The following NBN variants were observed in gnomAD, a reference collection of about 807,000 sequenced individuals.
The protein encoded by NBN is Nijmegen breakage syndrome 1 (nibrin).
Under a neutral mutation model 90.8 loss-of-function variants are expected in NBN, and 88 were observed. The ratio of observed to expected loss-of-function variants is 0.97; its 90% confidence interval spans 0.82 to 1.16. The LOEUF is 1.16. NBN is among the 50% of genes most tolerant of loss of function. NBN has a pLI of 0.00. For missense variants in NBN, 894 were observed against 869.6 expected, an observed-to-expected ratio of 1.03 and a Z score of -0.35; for synonymous variants, 328 against 295.1, an observed-to-expected ratio of 1.11 and a Z score of -1.14.
chr8:89,963,585 G>GTTTTAAAAA, intron 8 of NBN, among the ~76,000 whole-genome samples: 1 of 152,054 alleles, frequency 6.6e-6, no homozygotes, highest in Non-Finnish European at 1.5e-5. Flanking sequence ...AAAAACTATG[G>GTTTTAAAAA]AAATGTGTTT....
intron 13 of NBN, among the ~76,000 whole-genome samples, chr8:89,944,021 T>A (rs1043692804): frequency 6.6e-6 from 1 of 152,190 alleles, no homozygotes; most frequent in Non-Finnish European, 1.5e-5. Context: ...AAGAGAATTT[T>A]AAATTTATTT....
intron 7 of NBN, among the ~76,000 whole-genome samples, chr8:89,967,478 T>C (rs544495494): frequency 2.6e-4 from 39 of 152,292 alleles, no homozygotes; most frequent in African/African-American, 9.1e-4. Context: ...AACTAAATAA[T>C]TGGTGAACAA....
intron 10 of NBN, among the ~76,000 whole-genome samples, chr8:89,955,053 C>T (rs1002490702): frequency 3.3e-5 from 5 of 151,760 alleles, no homozygotes; most frequent in African/African-American, 9.7e-5. Flanking sequence ...AAGAGAATTG[C>T]GGCAAGTAAA....
intron 13 of NBN, among the ~76,000 whole-genome samples, chr8:89,944,290 T>C (rs1043743995): frequency 1.3e-5 from 2 of 152,194 alleles, no homozygotes; most frequent in South Asian, 2.1e-4. Context: ...CTGGGTAATT[T>C]AGAAGTAATC....
chr8:89,980,601 G>A (rs1812010732), intron 4 of NBN, 133 bp downstream of exon 4: 1 of 698,230 alleles, frequency 1.4e-6, no homozygotes, highest in Non-Finnish European at 2.4e-6. Flanking sequence ...ACAAAGGGAT[G>A]GAGTGGGTAT....
chr8:89,958,966 A>C, intron 8 of NBN, 112 bp from the exon 9 acceptor site: 1 of 1,381,626 alleles, frequency 7.2e-7, no homozygotes, highest in Non-Finnish European at 1.0e-6. Flanking sequence ...ACTAGGGAAT[A>C]CTGCACATGG....
At chr8:89,955,206 G>C in intron 10 of NBN, 77 bp downstream of exon 10, 1 of 1,394,034 alleles carries the variant, frequency 7.2e-7, no homozygotes, top group Non-Finnish European at 1.0e-6. Context: ...ACAGACTAAA[G>C]ACAATACCAT....
chr8:89,983,906 T>A (rs1006451547), intron 1 of NBN, among the ~76,000 whole-genome samples: 2 of 152,102 alleles, frequency 1.3e-5, no homozygotes, highest in Admixed American at 1.3e-4. Flanking sequence ...TCTACATAGA[T>A]CTTTGCCAAT....
At chr8:89,938,028 T>TC (rs1269602358) in intron 14 of NBN, among the ~76,000 whole-genome samples, 1 of 152,192 alleles carries the variant, frequency 6.6e-6, no homozygotes, top group East Asian at 1.9e-4. Context: ...AACATGTTCT[T>TC]CCCCTCTTTA....
At position 89,980,855 on chromosome 8, in the gene NBN, A is replaced by G. The variant is rs1563579387; in HGVS notation, c.359T>C (p.Leu120Ser). The change falls in exon 4 of 16, where the codon TTA becomes TCA. Residue 120 changes from leucine to serine, a missense_variant. Transcript: ENST00000265433. Reference protein sequence around the residue: ...YEPLVACSSCLDVSGKTALNQ... With the variant: ...YEPLVACSSCSDVSGKTALNQ... Reference sequence around the variant, plus strand: ...TAAAGCAGTTTTCCCAGAGACATCTAAACAAGAAGAGCATGCAACCAAAGG... The same window carrying G: ...TAAAGCAGTTTTCCCAGAGACATCTGAACAAGAAGAGCATGCAACCAAAGG... The G allele has an allele frequency of 2.5e-6, 4 of 1,612,498 alleles. No individual in the cohort carries two copies. Among genetic ancestry groups the G allele is most frequent in the Non-Finnish European group, 3.4e-6 (4 of 1,178,862 alleles).
Position 89,955,425 on chromosome 8 carries a change from T to A in NBN, c.1255A>T (p.Asn419Tyr), listed in dbSNP as rs730881849. The change falls in exon 10 of 16, where the codon AAT (asparagine) becomes TAT (tyrosine). Residue 419 changes from asparagine to tyrosine, a missense_variant. Physicochemically the swap from Asn to Tyr is moderately radical, Grantham distance 143. Coordinates refer to ENST00000265433, the MANE Select transcript of NBN (RefSeq NM_002485.5). ...TSSNNNSMVS[N>Y]TLAKMRIPNY... ...GGGATTCTCATCTTAGCCAAAGTATTTGATACCATACTATTATTATTAGAG... is the reference window on the plus strand; with the variant it reads ...GGGATTCTCATCTTAGCCAAAGTATATGATACCATACTATTATTATTAGAG... The A allele has an allele frequency of 6.2e-7, 1 of 1,613,870 alleles. No homozygotes were observed. The highest frequency in any genetic ancestry group is 8.5e-7 in the Non-Finnish European group (1 of 1,179,826).
In NBN at chr8:89,955,562, AAAAAG is replaced by A; in HGVS notation, c.1125-12_1125-8del. 10 of 1,611,860 alleles carry A rather than the reference AAAAAG, an allele frequency of 6.2e-6. No homozygotes were observed. The highest frequency in any genetic ancestry group is 8.5e-6 in the Non-Finnish European group (10 of 1,179,262). On this transcript the variant is annotated splice_region_variant and splice_polypyrimidine_tract_variant and intron_variant, in intron 9 of 15. Transcript: ENST00000265433. Reference sequence around the variant, plus strand: ...TGGCCTTTCACTCAAATCCCTGTAGAAAAAGAAAAGAATGCAAGGTAAATAATCAA... The same window carrying A: ...TGGCCTTTCACTCAAATCCCTGTAGAAAAAGAATGCAAGGTAAATAATCAA...
At chr8:89,938,607 G>C (rs1809796277) in intron 14 of NBN, among the ~76,000 whole-genome samples, 1 of 152,150 alleles carries the variant, frequency 6.6e-6, no homozygotes, top group Admixed American at 6.5e-5. Context: ...GGGGAACTCA[G>C]ATGGAATAGC....
At chr8:89,969,613 GTCACAATTAATTT>G (rs1338465847) in intron 7 of NBN, among the ~76,000 whole-genome samples, 1 of 152,112 alleles carries the variant, frequency 6.6e-6, no homozygotes, top group Non-Finnish European at 1.5e-5. Context: ...AATATACCAA[GTCACAATTAATTT>G]TCAAGTATAC....
chr8:89,973,600 A>C (rs1005934169), intron 5 of NBN, among the ~76,000 whole-genome samples: 1 of 152,236 alleles, frequency 6.6e-6, no homozygotes, highest in Non-Finnish European at 1.5e-5. Flanking sequence ...AAATACCTAC[A>C]TAAGCCTTTT....
chr8:89,955,742 G>A (rs1563533216), intron 9 of NBN, among the ~76,000 whole-genome samples, 187 bp from the exon 10 acceptor site: 1 of 152,062 alleles, frequency 6.6e-6, no homozygotes, highest in East Asian at 1.9e-4. Flanking sequence ...TCCTGTGGAA[G>A]GATGATACCT....
At position 89,961,830 on chromosome 8, in the gene NBN, T is replaced by C. The variant is rs141397017; in HGVS notation, c.994+2580A>G. Among the ~76,000 whole-genome samples, 151 of 152,246 alleles carry C rather than the reference T, an allele frequency of 9.9e-4. 1 individual carries two copies. Among genetic ancestry groups the C allele is most frequent in the African/African-American group, 3.2e-3 (132 of 41,530 alleles). On this transcript the variant is annotated intron_variant, in intron 8 of 15. Coordinates refer to ENST00000265433, the MANE Select transcript of NBN (RefSeq NM_002485.5). ...AATAGTGGCATAGTGAAATATTAAC[T>C]GTAGAGATGAGTCTGGAGTAAGGAC...
intron 7 of NBN, 133 bp downstream of exon 7, chr8:89,970,231 A>C: frequency 1.4e-6 from 1 of 715,946 alleles, no homozygotes; most frequent in Non-Finnish European, 2.3e-6. Flanking sequence ...CCTGGGCAAC[A>C]AGAGCAAGAC....
intron 14 of NBN, among the ~76,000 whole-genome samples, chr8:89,942,180 T>C (rs756381486): frequency 3.9e-5 from 6 of 152,268 alleles, no homozygotes; most frequent in Non-Finnish European, 5.9e-5. Context: ...GGAAAGAAAC[T>C]TGCCCATCTT....
Sources: allele counts gnomAD v4.1 joint callset (sites outside exome capture counted in the v4.1 genomes callset), GRCh38; gene constraint gnomAD v4.1.1; transcripts MANE v1.5; gene names NCBI Gene and HGNC (gene_info 2026-07-23, HGNC 2026-07-21).